The following ALCAM variants were observed in gnomAD, a reference collection of about 807,000 sequenced individuals.
ALCAM encodes the protein activated leukocyte cell adhesion molecule.
Under a neutral mutation model 70.9 loss-of-function variants are expected in ALCAM, and 30 were observed. The observed-to-expected ratio is 0.42, with a 90% CI of 0.32 to 0.57. ALCAM has a LOEUF of 0.57. Among genes scored for constraint, ALCAM ranks in the 20% least tolerant of loss-of-function variants. The pLI is 0.11. For synonymous variants in ALCAM, 249 were observed against 242.5 expected, an observed-to-expected ratio of 1.03 and a Z score of -0.25; for missense variants, 591 against 695.1, an observed-to-expected ratio of 0.85 and a Z score of 1.68.
intron 6 of ALCAM, among the ~76,000 whole-genome samples, chr3:105,539,145 G>T (rs1169265333): frequency 6.6e-6 from 1 of 152,034 alleles, no homozygotes; most frequent in Non-Finnish European, 1.5e-5. Flanking sequence ...TGCATTATAT[G>T]ATTTCAAAAT....
At chr3:105,435,512 G>A (rs1937030373) in intron 1 of ALCAM, among the ~76,000 whole-genome samples, 1 of 152,162 alleles carries the variant, frequency 6.6e-6, no homozygotes, top group African/African-American at 2.4e-5. Context: ...AGGGCCATAA[G>A]TAATTGATAA....
chr3:105,454,441 C>T (rs1937505462), intron 1 of ALCAM, among the ~76,000 whole-genome samples: 1 of 152,024 alleles, frequency 6.6e-6, no homozygotes, highest in African/African-American at 2.4e-5. Flanking sequence ...ATTATCTCTC[C>T]CCATCTCCCC....
intron 1 of ALCAM, among the ~76,000 whole-genome samples, chr3:105,465,828 T>G (rs1233210068): frequency 2.0e-5 from 3 of 151,388 alleles, no homozygotes; most frequent in African/African-American, 7.3e-5. Flanking sequence ...TATCTATATT[T>G]CAGATTAAAT....
intron 1 of ALCAM, among the ~76,000 whole-genome samples, chr3:105,501,129 C>T (rs540651508): frequency 1.3e-5 from 2 of 152,238 alleles, no homozygotes; most frequent in African/African-American, 2.4e-5. Flanking sequence ...AATAAATGGG[C>T]GAGTGCTTCG....
intron 1 of ALCAM, among the ~76,000 whole-genome samples, chr3:105,383,607 G>T (rs1935580476): frequency 6.6e-6 from 1 of 151,568 alleles, no homozygotes; most frequent in South Asian, 2.1e-4. Context: ...GTCCTAAAAA[G>T]AATTTGCCTT....
chr3:105,464,587 A>G (rs970209152), intron 1 of ALCAM, among the ~76,000 whole-genome samples: 1 of 151,428 alleles, frequency 6.6e-6, no homozygotes, highest in Non-Finnish European at 1.5e-5. Flanking sequence ...TTTCTACCAT[A>G]TAGAAAACTA....
At chr3:105,487,371 A>G (rs1938459355) in intron 1 of ALCAM, among the ~76,000 whole-genome samples, 1 of 152,128 alleles carries the variant, frequency 6.6e-6, no homozygotes, top group South Asian at 2.1e-4. Flanking sequence ...CAGAACTTCC[A>G]TCTAATAGAT....
intron 1 of ALCAM, among the ~76,000 whole-genome samples, chr3:105,493,288 T>C (rs1938641121): frequency 6.6e-6 from 1 of 152,126 alleles, no homozygotes; most frequent in African/African-American, 2.4e-5. Flanking sequence ...CATGCTTATG[T>C]CAATAAAATA....
intron 1 of ALCAM, among the ~76,000 whole-genome samples, chr3:105,368,393 C>A (rs1935136659): frequency 6.6e-6 from 1 of 152,106 alleles, no homozygotes; most frequent in Non-Finnish European, 1.5e-5. Context: ...ACAGGGTATT[C>A]CGTGCGCTCA....
intron 1 of ALCAM, among the ~76,000 whole-genome samples, chr3:105,443,446 A>T (rs1453751090): frequency 1.3e-5 from 2 of 152,224 alleles, no homozygotes; most frequent in Non-Finnish European, 2.9e-5. Context: ...GCTGAAAAAA[A>T]TATTGAGAAC....
intron 1 of ALCAM, among the ~76,000 whole-genome samples, chr3:105,430,245 TA>T (rs1200597703): frequency 3.9e-5 from 6 of 152,018 alleles, no homozygotes; most frequent in Admixed American, 3.3e-4. Flanking sequence ...AATATTGATA[TA>T]TTATTATCAA....
At chr3:105,516,044 G>A (rs1222018896) in intron 1 of ALCAM, among the ~76,000 whole-genome samples, 1 of 151,948 alleles carries the variant, frequency 6.6e-6, no homozygotes, top group Non-Finnish European at 1.5e-5. Flanking sequence ...TTTTACGGAT[G>A]ATGATGCTAT....
chr3:105,446,942 G>A (rs9815659), intron 1 of ALCAM, among the ~76,000 whole-genome samples: 17,514 of 151,986 alleles, frequency 0.12, 1,191 homozygotes, highest in African/African-American at 0.19. Context: ...GTGTTCTATT[G>A]CACAGTAGAA....
rs1260236886 is a variant in ALCAM, at chr3:105,576,107, G to C, written c.*1656G>C. 2.0e-5 allele frequency: 3 copies of C among 152,378 alleles called. No individual in the cohort carries two copies. The highest frequency in any genetic ancestry group is 4.4e-5 in the Non-Finnish European group (3 of 67,998). 9.4% of individuals were successfully genotyped at this position (152,378 alleles called of 1,614,324 possible). ...ATAAAATATTCTTAGACTCGATGCT[G>C]TATAAAATATTATGGGAAAAAAAGA... On this transcript the variant is annotated 3_prime_UTR_variant, in exon 16 of 16. Coordinates refer to ENST00000306107, the MANE Select transcript of ALCAM (RefSeq NM_001627.4).
intron 2 of ALCAM, among the ~76,000 whole-genome samples, chr3:105,523,298 G>T (rs1333849396): frequency 2.0e-4 from 31 of 152,272 alleles, no homozygotes; most frequent in Non-Finnish European, 4.1e-4. Flanking sequence ...GACTTAAGAA[G>T]AGGATTTGCG....
chr3:105,566,585 T>C (rs1365977568), intron 14 of ALCAM, among the ~76,000 whole-genome samples: 1 of 152,120 alleles, frequency 6.6e-6, no homozygotes, highest in Non-Finnish European at 1.5e-5. Flanking sequence ...TCTACTGGCC[T>C]TTTAACTATA....
intron 1 of ALCAM, among the ~76,000 whole-genome samples, chr3:105,368,394 C>T (rs1273042572): frequency 6.6e-6 from 1 of 152,122 alleles, no homozygotes; most frequent in South Asian, 2.1e-4. Context: ...CAGGGTATTC[C>T]GTGCGCTCAC....
chr3:105,521,842 C>G (rs1939553179), intron 2 of ALCAM, among the ~76,000 whole-genome samples: 1 of 152,126 alleles, frequency 6.6e-6, no homozygotes, highest in Non-Finnish European at 1.5e-5. Context: ...TCTCTGTAGC[C>G]TCCTTCTATT....
chr3:105,379,798 T>A (rs1935471074), intron 1 of ALCAM, among the ~76,000 whole-genome samples: 1 of 151,798 alleles, frequency 6.6e-6, no homozygotes, highest in Non-Finnish European at 1.5e-5. Flanking sequence ...AATTTTAATA[T>A]TAAGGATATT....
Sources: allele counts gnomAD v4.1 joint callset (sites outside exome capture counted in the v4.1 genomes callset), GRCh38; gene constraint gnomAD v4.1.1; transcripts MANE v1.5; gene names NCBI Gene and HGNC (gene_info 2026-07-23, HGNC 2026-07-21).